Variants in GORASP2 observed in about 807,000 individuals in gnomAD.
The protein encoded by GORASP2 is Golgi reassembly-stacking protein 2.
A neutral mutation model predicts 45.7 loss-of-function variants in GORASP2; 22 were observed. The observed-to-expected ratio is 0.48, with a 90% confidence interval of 0.34 to 0.69. GORASP2 has a LOEUF of 0.69. Among genes scored for constraint, GORASP2 ranks in the 30% least tolerant of loss-of-function variants. GORASP2 has a pLI of 0.01. For missense variants in GORASP2, 491 were observed against 562.7 expected, an observed-to-expected ratio of 0.87 and a Z score of 1.29; for synonymous variants, 221 against 215.6, an observed-to-expected ratio of 1.02 and a Z score of -0.22.
At chr2:170,941,162 T>C (rs1704069299) in intron 1 of GORASP2, among the ~76,000 whole-genome samples, 1 of 152,224 alleles carries the variant, frequency 6.6e-6, no homozygotes, top group African/African-American at 2.4e-5. Context: ...TTTTATTTTG[T>C]AAGCTAACCT....
At chr2:170,929,615 A>T in intron 1 of GORASP2, 1 of 589,374 alleles carries the variant, frequency 1.7e-6, no homozygotes, top group Non-Finnish European at 3.1e-6. Context: ...CCGCGGCTGT[A>T]GGAGGACGGG....
intron 5 of GORASP2, among the ~76,000 whole-genome samples, chr2:170,953,213 A>G (rs952840818): frequency 1.3e-5 from 2 of 151,994 alleles, no homozygotes; most frequent in South Asian, 2.1e-4. Flanking sequence ...AAAATTAGCC[A>G]GATGTGGTGG....
intron 1 of GORASP2, among the ~76,000 whole-genome samples, chr2:170,944,900 G>A (rs1363100017): frequency 1.3e-5 from 2 of 152,084 alleles, no homozygotes; most frequent in African/African-American, 2.4e-5. Flanking sequence ...CTCTGAGGAG[G>A]CGCCTGAGGA....
intron 1 of GORASP2, among the ~76,000 whole-genome samples, chr2:170,935,796 G>A (rs1332140532): frequency 1.3e-5 from 2 of 151,846 alleles, no homozygotes; most frequent in African/African-American, 2.4e-5. Flanking sequence ...GGCTGCCCTC[G>A]AACTCCTGAG....
intron 7 of GORASP2, among the ~76,000 whole-genome samples, 166 bp from the exon 8 acceptor site, chr2:170,961,497 T>C (rs1359287307): frequency 6.6e-6 from 1 of 152,136 alleles, no homozygotes; most frequent in Non-Finnish European, 1.5e-5. Flanking sequence ...GCAGAGTCAG[T>C]GAATCTGCCG....
At chr2:170,939,323 G>A (rs1704022733) in intron 1 of GORASP2, among the ~76,000 whole-genome samples, 1 of 152,228 alleles carries the variant, frequency 6.6e-6, no homozygotes, top group Non-Finnish European at 1.5e-5. Context: ...TGTTTTGGAA[G>A]AACATGTGAA....
At chr2:170,958,672 TTTAAA>T (rs1162221517) in intron 7 of GORASP2, among the ~76,000 whole-genome samples, 4 of 73,564 alleles carry the variant, frequency 5.4e-5, no homozygotes, top group East Asian at 5.6e-3. Flanking sequence ...TTTTTTTTTT[TTTAAA>T]AAAAAAAAAA....
chr2:170,945,084 G>T (rs1471614268), intron 1 of GORASP2, among the ~76,000 whole-genome samples: 2 of 152,112 alleles, frequency 1.3e-5, no homozygotes, highest in African/African-American at 4.8e-5. Context: ...TGCCATTTGA[G>T]AAGAAATATG....
intron 7 of GORASP2, among the ~76,000 whole-genome samples, chr2:170,960,539 G>A (rs1704533281): frequency 6.6e-6 from 1 of 152,136 alleles, no homozygotes; most frequent in African/African-American, 2.4e-5. Flanking sequence ...AGACTTTATT[G>A]GGAAAGAGAA....
At chr2:170,948,948 A>C (rs191184199) in intron 2 of GORASP2, among the ~76,000 whole-genome samples, 138 of 152,356 alleles carry the variant, frequency 9.1e-4, no homozygotes, top group Middle Eastern at 3.4e-3. Flanking sequence ...GAAATTATAT[A>C]ATCTCAGCAA....
In GORASP2 at chr2:170,961,733, A is replaced by G; in HGVS notation, c.894A>G (p.Pro298=). The G allele has an allele frequency of 6.4e-7, 1 of 1,573,560 alleles. No homozygotes were observed. The highest frequency in any genetic ancestry group is 8.8e-7 in the Non-Finnish European group (1 of 1,142,850). Residue 298 remains proline (P), a synonymous_variant, in exon 8 of 10, where the codon CCA becomes CCG. Coordinates refer to ENST00000234160, the MANE Select transcript of GORASP2 (RefSeq NM_015530.5). ...QSLTSVPPMN[P]ATTLPGLMPL... The stretch of plus-strand genomic sequence containing the variant: ...TCACTTCTGTGCCACCAATGAATCC[A>G]GCTACTACATTACCAGGTAACCACC...
At chr2:170,964,243 C>T (rs1252210174) in intron 9 of GORASP2, among the ~76,000 whole-genome samples, 1 of 152,068 alleles carries the variant, frequency 6.6e-6, no homozygotes, top group Non-Finnish European at 1.5e-5. Context: ...TCTTACAGCA[C>T]CATGGTGTGC....
At chr2:170,934,629 A>C (rs1703904766) in intron 1 of GORASP2, among the ~76,000 whole-genome samples, 1 of 152,170 alleles carries the variant, frequency 6.6e-6, no homozygotes, top group South Asian at 2.1e-4. Context: ...GGGTAAAAAG[A>C]AAACAGTAGG....
chr2:170,936,675 C>T lies in GORASP2; in HGVS notation c.63+7272C>T, dbSNP rs546305771. 9.1e-5 allele frequency: 117 copies of T among 1,291,438 alleles called. 1 individual carries two copies. The South Asian group carries it at 1.0e-3, about 11-fold the overall frequency. The allele number at this position is 1,291,438 out of a possible 1,614,324, so 80.0% of individuals were successfully genotyped here. A position where few individuals can be genotyped will look rare whatever the true frequency, so the allele number is the denominator to read the frequency against. On this transcript the variant is annotated intron_variant, in intron 1 of 9. Coordinates refer to ENST00000234160, the MANE Select transcript of GORASP2 (RefSeq NM_015530.5). ...TTGTCAGAAATAAGGAAGCTTAAGC[C>T]GGGCATAATGGTGTGCACCTGTAAT...
intron 6 of GORASP2, 33 bp downstream of exon 6, chr2:170,954,815 A>T (rs955090813): frequency 8.9e-6 from 14 of 1,579,094 alleles, no homozygotes; most frequent in Non-Finnish European, 1.2e-5. Context: ...GTATATCATA[A>T]AGTTTTTACC....
intron 1 of GORASP2, among the ~76,000 whole-genome samples, chr2:170,933,342 C>T (rs1703872353): frequency 6.6e-6 from 1 of 152,202 alleles, no homozygotes; most frequent in Non-Finnish European, 1.5e-5. Context: ...TTACCCCCTA[C>T]ATGTGAACTA....
At position 170,950,206 on chromosome 2, in the gene GORASP2, G is replaced by A; in HGVS notation, c.351G>A (p.Glu117=). ...GGTGTGTGTTTATGTCATTCTAGGAGGTGGAATCAAATTCTCCTGCAGCAC... is the reference window on the plus strand; with the variant it reads ...GGTGTGTGTTTATGTCATTCTAGGAAGTGGAATCAAATTCTCCTGCAGCAC... The part of the protein sequence containing the change: ...GANENVWHVL[E]VESNSPAALA... Residue 117 remains glutamate (E), a splice_region_variant and synonymous_variant, in exon 4 of 10, where the codon GAG becomes GAA. Coordinates refer to ENST00000234160, the MANE Select transcript of GORASP2 (RefSeq NM_015530.5). 1 of 1,498,064 alleles carries A rather than the reference G, an allele frequency of 6.7e-7. No homozygotes were observed. Among genetic ancestry groups the A allele is most frequent in the East Asian group, 2.3e-5 (1 of 43,208 alleles). 92.8% of individuals were successfully genotyped at this position (1,498,064 alleles called of 1,614,324 possible).
rs555064261 is a variant in GORASP2 at position 170,963,448 on chromosome 2, C to A, written c.1018+502C>A. ...CCCGCTGCTACTGCTGCTGCTGCTG[C>A]TGCTCCTCCTCCTCCTCCTCCTCCC... On this transcript the variant is annotated intron_variant, in intron 9 of 9. Transcript: ENST00000234160. Among the ~76,000 whole-genome samples, 261 of 144,630 alleles carry A rather than the reference C, an allele frequency of 1.8e-3. 2 individuals carry two copies. The highest frequency in any genetic ancestry group is 0.017 in the Middle Eastern group (5 of 288). 94.9% of individuals were successfully genotyped at this position (144,630 alleles called of 152,430 possible). A position where few individuals can be genotyped will look rare whatever the true frequency, so the allele number is the denominator to read the frequency against.
At chr2:170,963,914 G>C (rs769430755) in intron 9 of GORASP2, among the ~76,000 whole-genome samples, 13 of 151,954 alleles carry the variant, frequency 8.6e-5, no homozygotes, top group Admixed American at 2.0e-4. Context: ...CAGTGTGCTG[G>C]GATTACAGGC....
Sources: gnomAD v4.1 joint callset for allele counts (sites outside exome capture counted in the v4.1 genomes callset) on GRCh38, gnomAD v4.1.1 for gene constraint, MANE v1.5 for transcripts, NCBI Gene and HGNC (gene_info 2026-07-23, HGNC 2026-07-21) for gene names.